The following SNORD118 variants were observed in gnomAD, a reference collection of about 807,000 sequenced individuals.
The protein encoded by SNORD118 is small nucleolar RNA, C/D box 118.
chr17:8,173,487 T>A (rs199918636), exon 1 of SNORD118: 1 of 765,096 alleles, frequency 1.3e-6, no homozygotes, highest in Non-Finnish European at 2.4e-6. Flanking sequence ...TTGCAAGTCC[T>A]GATTACGCAG....
At chr17:8,173,506 A>G (rs751587903) in exon 1 of SNORD118, 11 of 765,226 alleles carry the variant, frequency 1.4e-5, no homozygotes, top group Non-Finnish European at 2.4e-5. Context: ...AGAGACGTTA[A>G]TCACGTTTCA....
chr17:8,173,516 A>AT (rs1983812276), exon 1 of SNORD118: 1 of 765,308 alleles, frequency 1.3e-6, no homozygotes, highest in South Asian at 1.3e-5. Flanking sequence ...ATCACGTTTC[A>AT]TGCATCTCCA....
chr17:8,173,560 A>G (rs762339276), exon 1 of SNORD118: 11 of 765,382 alleles, frequency 1.4e-5, no homozygotes, highest in South Asian at 1.2e-4. Flanking sequence ...CCGGAGGAGG[A>G]ACAGGTAAGG....
chr17:8,173,583 G>GA (rs1567551392), exon 1 of SNORD118: 1 of 764,294 alleles, frequency 1.3e-6, no homozygotes, highest in South Asian at 1.3e-5. Flanking sequence ...TATCCCACCT[G>GA]ACGATACAGA....
upstream of SNORD118, chr17:8,173,588 T>C (rs532883630): frequency 1.7e-4 from 128 of 763,864 alleles, no homozygotes; most frequent in Admixed American, 2.4e-4. Context: ...CACCTGACGA[T>C]ACAGACAAAC....
In SNORD118 at chr17:8,173,544, T is replaced by C. The variant is rs143605147; in HGVS notation, n.44A>G. 3.4e-4 allele frequency: 262 copies of C among 765,382 alleles called. 1 individual carries two copies. Among genetic ancestry groups the C allele is most frequent in the East Asian group, 1.5e-3 (61 of 41,242 alleles). The allele number at this position is 765,382 out of a possible 1,614,324, so 47.4% of individuals were successfully genotyped here. ...CATCTCCAATCATCATGTTCTAATC[T>C]GCCCTCCGGAGGAGGAACAGGTAAG... On this transcript the variant is annotated non_coding_transcript_exon_variant, in exon 1 of 1. Coordinates refer to ENST00000363593, the Ensembl canonical transcript of SNORD118.
chr17:8,173,538 C>CT (rs1983826316), exon 1 of SNORD118: 2 of 765,244 alleles, frequency 2.6e-6, no homozygotes, highest in Non-Finnish European at 4.8e-6. Flanking sequence ...TCATCATGTT[C>CT]TAATCTGCCC....
At position 8,173,580 on chromosome 17, in the gene SNORD118, C is replaced by T. The variant is rs76749993; in HGVS notation, n.8G>A. The stretch of plus-strand genomic sequence containing the variant: ...GGAGGAACAGGTAAGGATTATCCCA[C>T]CTGACGATACAGACAAACAGCCGAC... On this transcript the variant is annotated non_coding_transcript_exon_variant, in exon 1 of 1. Coordinates refer to ENST00000363593, the Ensembl canonical transcript of SNORD118. The T allele has an allele frequency of 2.4e-3, 1,852 of 764,286 alleles. 13 individuals are homozygous for T. Among genetic ancestry groups the T allele is most frequent in the African/African-American group, 0.02 (1,211 of 59,218 alleles). The allele number at this position is 764,286 out of a possible 1,614,324, so 47.3% of individuals were successfully genotyped here.
rs746503581 is a variant in SNORD118 at position 8,173,458 on chromosome 17, G to C, written n.130C>G. Reference sequence around the variant, plus strand: ...TGTAAGTGATCGTCAGAAAGAATCAGACAGGAGCAATCAGGGTGTTGCAAG... The same window carrying C: ...TGTAAGTGATCGTCAGAAAGAATCACACAGGAGCAATCAGGGTGTTGCAAG... On this transcript the variant is annotated non_coding_transcript_exon_variant, in exon 1 of 1. Transcript: ENST00000363593. 13 of 763,882 alleles carry C rather than the reference G, an allele frequency of 1.7e-5. No individual in the cohort carries two copies. The highest frequency in any genetic ancestry group is 3.4e-5 in the African/African-American group (2 of 59,108). 47.3% of individuals were successfully genotyped at this position (763,882 alleles called of 1,614,324 possible). A position where few individuals can be genotyped will look rare whatever the true frequency, so the allele number is the denominator to read the frequency against.
chr17:8,173,474 G>T (rs148801759), exon 1 of SNORD118: 25 of 764,534 alleles, frequency 3.3e-5, no homozygotes, highest in South Asian at 3.0e-4. Context: ...AGCAATCAGG[G>T]TGTTGCAAGT....
exon 1 of SNORD118, chr17:8,173,542 T>C (rs563019939): frequency 6.5e-5 from 50 of 765,432 alleles, no homozygotes; most frequent in South Asian, 1.6e-4. Flanking sequence ...CATGTTCTAA[T>C]CTGCCCTCCG....
exon 1 of SNORD118, chr17:8,173,571 A>AT (rs758548377): frequency 2.2e-5 from 17 of 764,868 alleles, no homozygotes; most frequent in Middle Eastern, 2.2e-4. Flanking sequence ...ACAGGTAAGG[A>AT]TTATCCCACC....
exon 1 of SNORD118, chr17:8,173,551 CGG>C (rs1051514908): frequency 3.9e-6 from 3 of 765,024 alleles, no homozygotes; most frequent in Non-Finnish European, 7.2e-6. Context: ...ATCTGCCCTC[CGG>C]AGGAGGAACA....
chr17:8,173,575 TC>T, exon 1 of SNORD118: 1 of 764,828 alleles, frequency 1.3e-6, no homozygotes. Context: ...GTAAGGATTA[TC>T]CCACCTGACG....
exon 1 of SNORD118, chr17:8,173,548 C>A (rs182078929): frequency 3.9e-6 from 3 of 765,368 alleles, no homozygotes; most frequent in East Asian, 2.4e-5. Flanking sequence ...CTAATCTGCC[C>A]TCCGGAGGAG....
exon 1 of SNORD118, chr17:8,173,573 T>C (rs369737076): frequency 5.9e-5 from 45 of 764,708 alleles, no homozygotes; most frequent in East Asian, 2.4e-4. Flanking sequence ...AGGTAAGGAT[T>C]ATCCCACCTG....
rs368022715 is a variant in SNORD118 at position 8,173,565 on chromosome 17, G to C, written n.23C>G. On this transcript the variant is annotated non_coding_transcript_exon_variant, in exon 1 of 1. Transcript: ENST00000363593. ...AATCTGCCCTCCGGAGGAGGAACAG[G>C]TAAGGATTATCCCACCTGACGATAC... The C allele has an allele frequency of 1.0e-5, 8 of 765,148 alleles. No individual in the cohort carries two copies. Among genetic ancestry groups the C allele is most frequent in the East Asian group, 4.8e-5 (2 of 41,258 alleles). 47.4% of individuals were successfully genotyped at this position (765,148 alleles called of 1,614,324 possible).
exon 1 of SNORD118, chr17:8,173,543 C>A (rs140061096): frequency 3.9e-6 from 3 of 765,404 alleles, no homozygotes; most frequent in Non-Finnish European, 7.2e-6. Context: ...ATGTTCTAAT[C>A]TGCCCTCCGG....
chr17:8,173,502 G>C (rs201017034), exon 1 of SNORD118: 12 of 765,118 alleles, frequency 1.6e-5, no homozygotes, highest in Non-Finnish European at 2.9e-5. Context: ...ACGCAGAGAC[G>C]TTAATCACGT....
Sources: allele counts gnomAD v4.1 joint callset, GRCh38; gene constraint gnomAD v4.1.1; transcripts MANE v1.5; gene names NCBI Gene and HGNC (gene_info 2026-07-23, HGNC 2026-07-21).